The following USP32 variants were observed in gnomAD, a reference collection of about 807,000 sequenced individuals.
USP32 encodes ubiquitin carboxyl-terminal hydrolase 32.
Under a neutral mutation model 204.8 loss-of-function variants are expected in USP32, and 59 were observed. The ratio of observed to expected loss-of-function variants is 0.29; its 90% CI spans 0.23 to 0.36. The LOEUF is 0.36. Ranked by LOEUF, USP32 falls within the 10% of genes least tolerant of loss-of-function variation. The pLI is 1.00. For missense variants in USP32, 1,160 were observed against 1,946.4 expected (o/e 0.60, Z 7.60); for synonymous variants, 517 against 678.4 (o/e 0.76, Z 3.70).
chr17:60,346,229 G>A (rs1478562176), intron 1 of USP32, among the ~76,000 whole-genome samples: 1 of 151,926 alleles, frequency 6.6e-6, no homozygotes. Flanking sequence ...AAAAGCATGA[G>A]CCAGCACGCC....
chr17:60,283,904 G>A (rs964619722), intron 5 of USP32, among the ~76,000 whole-genome samples: 1 of 152,156 alleles, frequency 6.6e-6, no homozygotes. Context: ...TACATCATCC[G>A]AGAACAAACT....
chr17:60,339,583 C>CAAAAAAAAAAAAAAAAAAA (rs1420937665), intron 2 of USP32, among the ~76,000 whole-genome samples: 1 of 65,924 alleles, frequency 1.5e-5, no homozygotes, highest in Non-Finnish European at 3.5e-5. Flanking sequence ...AACTCCATCT[C>CAAAAAAAAAAAAAAAAAAA]AAAAAAAAAA....
At chr17:60,368,589 T>TAAA (rs1301786085) in intron 1 of USP32, among the ~76,000 whole-genome samples, 4 of 151,418 alleles carry the variant, frequency 2.6e-5, no homozygotes, top group Non-Finnish European at 5.9e-5. Context: ...CCAAGAATAT[T>TAAA]ACCAAAAAAA....
intron 11 of USP32, among the ~76,000 whole-genome samples, chr17:60,252,021 CAATTATCTATA>C (rs1355460764): frequency 2.6e-5 from 4 of 151,954 alleles, no homozygotes; most frequent in Non-Finnish European, 4.4e-5. Flanking sequence ...ATGTCTACAG[CAATTATCTATA>C]AATTATCTAT....
At chr17:60,217,144 C>A (rs2468996) in intron 16 of USP32, among the ~76,000 whole-genome samples, 1 of 152,194 alleles carries the variant, frequency 6.6e-6, no homozygotes, top group East Asian at 1.9e-4. Flanking sequence ...ATTAAGCAGG[C>A]AGCCACTTAC....
chr17:60,269,899 A>T (rs1470612755), intron 6 of USP32, among the ~76,000 whole-genome samples: 1 of 152,192 alleles, frequency 6.6e-6, no homozygotes, highest in African/African-American at 2.4e-5. Context: ...AATTATCCTT[A>T]CTTAGAAAGA....
intron 2 of USP32, among the ~76,000 whole-genome samples, chr17:60,304,688 T>C (rs1487775471): frequency 2.0e-5 from 3 of 152,192 alleles, no homozygotes; most frequent in Non-Finnish European, 4.4e-5. Context: ...ATAGTACACA[T>C]AAATGTTGTC....
At chr17:60,301,847 T>C in intron 2 of USP32, 143 bp from the exon 3 acceptor site, 1 of 630,924 alleles carries the variant, frequency 1.6e-6, no homozygotes, top group Admixed American at 3.3e-5. Flanking sequence ...AGTTTCTCCC[T>C]CTTCTTCCTC....
At chr17:60,185,720 A>G in intron 29 of USP32, 69 bp from the exon 30 acceptor site, 1 of 1,529,154 alleles carries the variant, frequency 6.5e-7, no homozygotes, top group Non-Finnish European at 8.9e-7. Context: ...CTAGGTATGC[A>G]TCAACCTCTT....
intron 1 of USP32, among the ~76,000 whole-genome samples, chr17:60,415,473 ACAAG>A (rs1208762868): frequency 6.6e-6 from 1 of 152,218 alleles, no homozygotes; most frequent in African/African-American, 2.4e-5. Context: ...GAGAAGGTCC[ACAAG>A]CTTAGGTTAG....
intron 13 of USP32, among the ~76,000 whole-genome samples, chr17:60,224,214 A>C (rs2085327453): frequency 6.6e-6 from 1 of 152,384 alleles, no homozygotes; most frequent in South Asian, 2.1e-4. Flanking sequence ...TAAACAATCT[A>C]GCAGTCATCA....
At chr17:60,325,533 T>A (rs763187816) in intron 2 of USP32, among the ~76,000 whole-genome samples, 1 of 152,222 alleles carries the variant, frequency 6.6e-6, no homozygotes, top group Non-Finnish European at 1.5e-5. Context: ...AAAATTGTGA[T>A]ATAATTTCAC....
chr17:60,252,140 C>T (rs1313124805), intron 11 of USP32, among the ~76,000 whole-genome samples: 1 of 152,030 alleles, frequency 6.6e-6, no homozygotes, highest in East Asian at 1.9e-4. Context: ...CCTTTTATCT[C>T]ATTTCAAAAA....
intron 1 of USP32, among the ~76,000 whole-genome samples, chr17:60,360,288 C>A (rs8067239): frequency 0.044 from 6,748 of 151,768 alleles, 535 homozygotes; most frequent in African/African-American, 0.15. Flanking sequence ...AGCCTGGCCA[C>A]CATGGCAAAA....
At position 60,181,528 on chromosome 17, in the gene USP32, C is replaced by T. The variant is rs1160643595; in HGVS notation, c.4344G>A (p.Gly1448=). Residue 1448 remains glycine (G), a synonymous_variant, in exon 32 of 34, where the codon GGG becomes GGA. Coordinates refer to ENST00000300896, the MANE Select transcript of USP32 (RefSeq NM_032582.4). ...ICELADALSR[G]HVLGGSQPEL... is the part of the protein sequence containing the mutation. Reference sequence around the variant, plus strand: ...CTGGTTGGCTGCCCCCCAGCACATGCCCTCGACTCAAGGCGTCAGCCAGCT... The same window carrying T: ...CTGGTTGGCTGCCCCCCAGCACATGTCCTCGACTCAAGGCGTCAGCCAGCT... 1.9e-6 allele frequency: 3 copies of T among 1,614,002 alleles called. No homozygotes were observed. The highest frequency in any genetic ancestry group is 2.5e-6 in the Non-Finnish European group (3 of 1,179,874).
Position 60,363,263 on chromosome 17 carries a change from T to C in USP32, c.59-17655A>G, listed in dbSNP as rs968436763. The stretch of plus-strand genomic sequence containing the variant: ...TGAGCTCAGGAGTTCGCAACCAGCC[T>C]AGGCAACACGATGAAACCCCGTCTC... On this transcript the variant is annotated intron_variant, in intron 1 of 33. Transcript: ENST00000300896. Among the ~76,000 whole-genome samples, 17 of 151,976 alleles carry C rather than the reference T, an allele frequency of 1.1e-4. 1 individual carries two copies. Among genetic ancestry groups the C allele is most frequent in the Admixed American group, 7.9e-4 (12 of 15,246 alleles).
Position 60,274,931 on chromosome 17 carries a change from C to T in USP32, c.572-3450G>A, listed in dbSNP as rs539834650. 2.2e-3 allele frequency among the ~76,000 whole-genome samples: 331 copies of T among 152,346 alleles called. 4 individuals carry two copies. The highest frequency in any genetic ancestry group is 7.5e-3 in the African/African-American group (312 of 41,582). On this transcript the variant is annotated intron_variant, in intron 5 of 33. Transcript: ENST00000300896. ...TCACATTCTCAGACCATCCAAACCA[C>T]ACCACCTTCAAAGATACTCCTCTAT...
At chr17:60,349,617 ATATATAT>A (rs1170970213) in intron 1 of USP32, among the ~76,000 whole-genome samples, 22 of 72,956 alleles carry the variant, frequency 3.0e-4, no homozygotes, top group Admixed American at 2.1e-3. Context: ...ATATATATAT[ATATATAT>A]TATATATATA....
intron 12 of USP32, among the ~76,000 whole-genome samples, chr17:60,235,819 G>C (rs1166003329): frequency 1.3e-5 from 2 of 152,096 alleles, no homozygotes; most frequent in African/African-American, 4.8e-5. Flanking sequence ...AGGTAAAATG[G>C]GTATAATATT....
Sources: gnomAD v4.1 joint callset for allele counts (sites outside exome capture counted in the v4.1 genomes callset) on GRCh38, gnomAD v4.1.1 for gene constraint, MANE v1.5 for transcripts, NCBI Gene and HGNC (gene_info 2026-07-23, HGNC 2026-07-21) for gene names.